MAML3: variants seen among roughly 807,000 people sequenced by gnomAD.
MAML3 encodes mastermind like transcriptional coactivator 3.
Under a neutral mutation model 101.9 loss-of-function variants are expected in MAML3, and 27 were observed. That is an observed-to-expected ratio of 0.27 (90% CI 0.20 to 0.37). MAML3 has a LOEUF of 0.37. MAML3 is among the 10% of genes least tolerant of loss of function. MAML3 has a pLI of 1.00. For missense variants in MAML3, 1,316 were observed against 1,444.9 expected, an observed-to-expected ratio of 0.91 and a Z score of 1.45; for synonymous variants, 501 against 555.9, an observed-to-expected ratio of 0.90 and a Z score of 1.39.
At chr4:140,046,594 G>A (rs985970468) in intron 1 of MAML3, among the ~76,000 whole-genome samples, 5 of 152,088 alleles carry the variant, frequency 3.3e-5, no homozygotes, top group African/African-American at 7.2e-5. Context: ...TCTTCGTTAC[G>A]TAACAATTCA....
At chr4:140,056,700 C>T (rs1727354920) in intron 1 of MAML3, among the ~76,000 whole-genome samples, 1 of 151,384 alleles carries the variant, frequency 6.6e-6, no homozygotes. Context: ...GTCCCAGCTA[C>T]TCGGGAGGCT....
chr4:140,071,722 T>C (rs986238961), intron 1 of MAML3, among the ~76,000 whole-genome samples: 1 of 144,230 alleles, frequency 6.9e-6, no homozygotes, highest in Non-Finnish European at 1.5e-5. Flanking sequence ...ACACAGAAAA[T>C]CTTTACACTT....
At chr4:139,758,020 C>T (rs1729687606) in intron 2 of MAML3, among the ~76,000 whole-genome samples, 1 of 152,178 alleles carries the variant, frequency 6.6e-6, no homozygotes, top group Admixed American at 6.5e-5. Flanking sequence ...AGTTTCTCTC[C>T]CCCTGGCTGA....
At chr4:140,093,623 T>A (rs545227175) in intron 1 of MAML3, among the ~76,000 whole-genome samples, 4 of 151,760 alleles carry the variant, frequency 2.6e-5, no homozygotes, top group Non-Finnish European at 1.5e-5. Flanking sequence ...AGAGATGGGG[T>A]TTCACCGTGT....
intron 1 of MAML3, among the ~76,000 whole-genome samples, chr4:140,038,053 T>A (rs1489371437): frequency 6.6e-6 from 1 of 152,234 alleles, no homozygotes; most frequent in Non-Finnish European, 1.5e-5. Flanking sequence ...GCCATTCCAC[T>A]AGTCTGAGAA....
At chr4:139,959,620 G>A (rs905422797) in intron 1 of MAML3, among the ~76,000 whole-genome samples, 12 of 152,252 alleles carry the variant, frequency 7.9e-5, no homozygotes, top group East Asian at 1.9e-4. Flanking sequence ...TGAAGTTTCC[G>A]GGGCACTCTG....
chr4:139,727,723 A>G (rs1298095026), intron 3 of MAML3, among the ~76,000 whole-genome samples: 1 of 152,224 alleles, frequency 6.6e-6, no homozygotes. Context: ...TTCAACCTGC[A>G]CTGCTCTGAT....
chr4:139,881,598 C>A (rs188335341), intron 2 of MAML3, among the ~76,000 whole-genome samples: 10 of 152,248 alleles, frequency 6.6e-5, no homozygotes, highest in African/African-American at 2.2e-4. Context: ...CTCTCTTAAA[C>A]AGATATTTGA....
intron 2 of MAML3, among the ~76,000 whole-genome samples, chr4:139,758,496 A>T (rs1324443811): frequency 6.6e-6 from 1 of 152,190 alleles, no homozygotes; most frequent in Non-Finnish European, 1.5e-5. Context: ...TTCATTTGAT[A>T]CCAGACACAC....
chr4:139,830,097 T>C (rs1280975917), intron 2 of MAML3, among the ~76,000 whole-genome samples: 7 of 152,164 alleles, frequency 4.6e-5, no homozygotes, highest in Non-Finnish European at 1.5e-5. Context: ...GGAGGTTATA[T>C]AGAGATAGAT....
chr4:139,846,526 T>A (rs1210543965), intron 2 of MAML3, among the ~76,000 whole-genome samples: 1 of 152,096 alleles, frequency 6.6e-6, no homozygotes, highest in African/African-American at 2.4e-5. Flanking sequence ...TTTTGTATTT[T>A]TTGCAGAGAC....
chr4:140,151,698 G>GA (rs1022960281), intron 1 of MAML3, among the ~76,000 whole-genome samples: 2 of 128,050 alleles, frequency 1.6e-5, no homozygotes, highest in Non-Finnish European at 3.4e-5. Flanking sequence ...TGCGGGGGGG[G>GA]GGGGCACACA....
intron 2 of MAML3, among the ~76,000 whole-genome samples, chr4:139,821,256 G>A (rs1037310267): frequency 2.6e-5 from 4 of 152,166 alleles, no homozygotes; most frequent in African/African-American, 9.7e-5. Context: ...CTACCAGTCC[G>A]TGGCCTGTTA....
intron 1 of MAML3, among the ~76,000 whole-genome samples, chr4:140,102,205 A>G (rs1297715124): frequency 6.6e-6 from 1 of 152,190 alleles, no homozygotes; most frequent in Non-Finnish European, 1.5e-5. Context: ...TGATTACATT[A>G]TGTTGTTTAT....
chr4:140,032,202 C>G (rs747103281), intron 1 of MAML3, among the ~76,000 whole-genome samples: 1 of 152,092 alleles, frequency 6.6e-6, no homozygotes, highest in Non-Finnish European at 1.5e-5. Context: ...TGGAAATGAT[C>G]GTAGATATAA....
At chr4:140,145,740 A>G (rs1729049634) in intron 1 of MAML3, among the ~76,000 whole-genome samples, 1 of 150,864 alleles carries the variant, frequency 6.6e-6, no homozygotes, top group South Asian at 2.1e-4. Flanking sequence ...TAATTTTTGT[A>G]TTTTTCGTAG....
chr4:140,097,505 T>C (rs1728183198), intron 1 of MAML3, among the ~76,000 whole-genome samples: 1 of 151,996 alleles, frequency 6.6e-6, no homozygotes, highest in African/African-American at 2.4e-5. Flanking sequence ...TACCTGGTTA[T>C]TTTTCAAAAA....
At chr4:139,954,652 T>C (rs891019307) in intron 1 of MAML3, among the ~76,000 whole-genome samples, 1 of 151,966 alleles carries the variant, frequency 6.6e-6, no homozygotes, top group African/African-American at 2.4e-5. Context: ...GGAACGGGGG[T>C]GGATGCAAGA....
intron 1 of MAML3, among the ~76,000 whole-genome samples, chr4:139,961,717 AT>A (rs1271575262): frequency 1.3e-5 from 2 of 152,244 alleles, no homozygotes; most frequent in Non-Finnish European, 2.9e-5. Flanking sequence ...AAATGCCCAT[AT>A]TTGGTTATGT....
Sources: gnomAD v4.1 joint callset for allele counts (sites outside exome capture counted in the v4.1 genomes callset) on GRCh38, gnomAD v4.1.1 for gene constraint, MANE v1.5 for transcripts, NCBI Gene and HGNC (gene_info 2026-07-23, HGNC 2026-07-21) for gene names.